RSU1: variants seen among roughly 807,000 people sequenced by gnomAD.
The protein encoded by RSU1 is rsu-1.
A neutral mutation model predicts 31.1 loss-of-function variants in RSU1; 26 were observed. The observed-to-expected ratio is 0.84, with a 90% confidence interval of 0.61 to 1.16. The LOEUF is 1.16. Among genes scored for constraint, RSU1 ranks in the 50% most tolerant of loss-of-function variants. The pLI is 0.00. For missense variants in RSU1, 320 were observed against 339.1 expected (o/e 0.94, Z 0.44); for synonymous variants, 164 against 136.3 (o/e 1.20, Z -1.41).
intron 2 of RSU1, among the ~76,000 whole-genome samples, chr10:16,782,539 C>T (rs890422096): frequency 6.6e-6 from 1 of 152,096 alleles, no homozygotes; most frequent in Non-Finnish European, 1.5e-5. Flanking sequence ...AGCAGAAGGC[C>T]GCCAGTGTTA....
At chr10:16,770,419 A>G in intron 3 of RSU1, among the ~76,000 whole-genome samples, 1 of 152,150 alleles carries the variant, frequency 6.6e-6, no homozygotes, top group East Asian at 1.9e-4. Flanking sequence ...GCTGCCAGGA[A>G]GCCAGAAGCT....
At chr10:16,739,293 T>C (rs1836702770) in intron 7 of RSU1, among the ~76,000 whole-genome samples, 1 of 152,126 alleles carries the variant, frequency 6.6e-6, no homozygotes, top group Non-Finnish European at 1.5e-5. Context: ...CCACACTGTC[T>C]TCCAGAATGG....
chr10:16,754,993 T>C lies in RSU1; in HGVS notation c.282-4A>G. The C allele has an allele frequency of 6.3e-7, 1 of 1,588,930 alleles. No individual in the cohort carries two copies. The highest frequency in any genetic ancestry group is 8.6e-7 in the Non-Finnish European group (1 of 1,161,418). On this transcript the variant is annotated splice_region_variant and splice_polypyrimidine_tract_variant and intron_variant, in intron 4 of 8. Transcript: ENST00000345264. ...CAAAGTGTTCAGCCTGTTCATGCTG[T>C]TGCAGGGGGACAAAAATCTATGTCA... is the stretch of plus-strand genomic sequence containing the variant.
intron 3 of RSU1, among the ~76,000 whole-genome samples, chr10:16,775,185 T>C (rs930239751): frequency 2.0e-5 from 3 of 152,132 alleles, no homozygotes; most frequent in African/African-American, 7.2e-5. Flanking sequence ...AGAGAGGGCA[T>C]CAACTGAAAA....
intron 8 of RSU1, among the ~76,000 whole-genome samples, chr10:16,652,485 A>G (rs2131515900): frequency 6.6e-6 from 1 of 151,840 alleles, no homozygotes; most frequent in South Asian, 2.1e-4. Flanking sequence ...GATGATCGGA[A>G]TGTTCCATAC....
At chr10:16,752,820 A>C in intron 6 of RSU1, 98 bp downstream of exon 6, 1 of 1,181,852 alleles carries the variant, frequency 8.5e-7, no homozygotes, top group Non-Finnish European at 1.2e-6. Context: ...GTTTATTCCC[A>C]CAAAACAAAC....
At chr10:16,644,907 A>G (rs1834508049) in intron 8 of RSU1, among the ~76,000 whole-genome samples, 1 of 152,196 alleles carries the variant, frequency 6.6e-6, no homozygotes, top group African/African-American at 2.4e-5. Context: ...TTTTTTCATG[A>G]AAGCATTCCA....
At chr10:16,756,230 T>A (rs1170188624) in intron 4 of RSU1, among the ~76,000 whole-genome samples, 1 of 152,116 alleles carries the variant, frequency 6.6e-6, no homozygotes, top group Non-Finnish European at 1.5e-5. Flanking sequence ...GGATTCAGGT[T>A]TGCAAGATGA....
intron 7 of RSU1, among the ~76,000 whole-genome samples, chr10:16,702,384 C>G (rs1282412739): frequency 6.6e-6 from 1 of 152,226 alleles, no homozygotes; most frequent in East Asian, 1.9e-4. Context: ...CAGGCTGAAC[C>G]CTGCACCGGG....
chr10:16,663,500 T>C (rs1834925680), intron 8 of RSU1, among the ~76,000 whole-genome samples: 1 of 152,148 alleles, frequency 6.6e-6, no homozygotes, highest in Non-Finnish European at 1.5e-5. Flanking sequence ...AAAAATATTC[T>C]TCAATTAAGC....
intron 3 of RSU1, among the ~76,000 whole-genome samples, chr10:16,769,522 A>G (rs1284252109): frequency 6.6e-6 from 1 of 152,178 alleles, no homozygotes; most frequent in African/African-American, 2.4e-5. Flanking sequence ...TGGGTCTCAA[A>G]CCACAGAGAC....
At chr10:16,782,537 G>A (rs1444539237) in intron 2 of RSU1, among the ~76,000 whole-genome samples, 3 of 152,150 alleles carry the variant, frequency 2.0e-5, no homozygotes, top group Non-Finnish European at 1.5e-5. Flanking sequence ...CTAGCAGAAG[G>A]CCGCCAGTGT....
At chr10:16,808,584 A>G (rs1227560357) in intron 2 of RSU1, among the ~76,000 whole-genome samples, 1 of 151,644 alleles carries the variant, frequency 6.6e-6, no homozygotes, top group Non-Finnish European at 1.5e-5. Context: ...CTACTTTCTC[A>G]TCTATAAAAT....
intron 7 of RSU1, among the ~76,000 whole-genome samples, chr10:16,709,065 T>C (rs952989798): frequency 6.6e-6 from 1 of 152,044 alleles, no homozygotes; most frequent in Admixed American, 6.6e-5. Context: ...TACATATGTA[T>C]ACATGTGCCA....
intron 7 of RSU1, among the ~76,000 whole-genome samples, chr10:16,712,417 T>G (rs1836039911): frequency 6.6e-6 from 1 of 152,126 alleles, no homozygotes; most frequent in African/African-American, 2.4e-5. Context: ...TTACTCATGT[T>G]ATTTTCCTTC....
chr10:16,713,885 G>A (rs1019564340), intron 7 of RSU1, among the ~76,000 whole-genome samples: 1 of 152,102 alleles, frequency 6.6e-6, no homozygotes, highest in Non-Finnish European at 1.5e-5. Flanking sequence ...TTTGAGTGTG[G>A]TGAGTTAGCT....
At chr10:16,666,423 G>GTTGATCTGAAGATACTTACTT (rs1834988850) in intron 8 of RSU1, among the ~76,000 whole-genome samples, 2 of 152,276 alleles carry the variant, frequency 1.3e-5, no homozygotes, top group South Asian at 2.1e-4. Flanking sequence ...CAAATAACAT[G>GTTGATCTGAAGATACTTACTT]TTGATCTGAA....
At chr10:16,808,958 G>T (rs905588568) in intron 2 of RSU1, among the ~76,000 whole-genome samples, 2 of 152,122 alleles carry the variant, frequency 1.3e-5, no homozygotes, top group African/African-American at 4.8e-5. Context: ...CAGGAGAGAG[G>T]CCTCAGGAGC....
At chr10:16,629,928 T>C (rs759585419) in intron 8 of RSU1, among the ~76,000 whole-genome samples, 14 of 152,194 alleles carry the variant, frequency 9.2e-5, no homozygotes, top group Non-Finnish European at 1.8e-4. Flanking sequence ...TTTTTTATAC[T>C]GTTATAACAG....
Sources: gnomAD v4.1 joint callset for allele counts (sites outside exome capture counted in the v4.1 genomes callset) on GRCh38, gnomAD v4.1.1 for gene constraint, MANE v1.5 for transcripts, NCBI Gene and HGNC (gene_info 2026-07-23, HGNC 2026-07-21) for gene names.